The following BBOX1 variants were observed in gnomAD, a reference collection of about 807,000 sequenced individuals.
The protein encoded by BBOX1 is gamma-butyrobetaine dioxygenase.
Under a neutral mutation model 41.6 loss-of-function variants are expected in BBOX1, and 35 were observed. The ratio of observed to expected loss-of-function variants is 0.84; its 90% confidence interval spans 0.64 to 1.11. The LOEUF (loss-of-function observed/expected upper bound fraction) is 1.11. BBOX1 is among the 50% of genes most tolerant of loss of function. The pLI, the probability that BBOX1 is intolerant of heterozygous loss-of-function variation, is 0.00. For synonymous variants in BBOX1, 163 were observed against 154.7 expected (o/e 1.05, Z -0.40); for missense variants, 458 against 460.6 (o/e 0.99, Z 0.05).
chr11:27,074,385 G>A lies in BBOX1; in HGVS notation c.334+17070G>A, dbSNP rs573379913. ...AGCAGAAGTTGGAACAGTCTGGAGGGCTCAGGAGAAGACAGGAAGATGTGG... is the reference window on the plus strand; with the variant it reads ...AGCAGAAGTTGGAACAGTCTGGAGGACTCAGGAGAAGACAGGAAGATGTGG... On this transcript the variant is annotated intron_variant, in intron 4 of 8. Coordinates refer to ENST00000263182, the MANE Select transcript of BBOX1 (RefSeq NM_003986.3). 3.3e-5 allele frequency among the ~76,000 whole-genome samples: 5 copies of A among 152,108 alleles called. No homozygotes were observed. The East Asian group carries it at 9.8e-4, about 30-fold the overall frequency.
intron 6 of BBOX1, 121 bp from the exon 7 acceptor site, chr11:27,119,528 C>A: frequency 1.8e-6 from 1 of 569,720 alleles, no homozygotes; most frequent in Non-Finnish European, 2.5e-6. Context: ...ATCTTTAACA[C>A]AGTATCAAAA....
intron 2 of BBOX1, among the ~76,000 whole-genome samples, chr11:27,052,919 A>C (rs952496215): frequency 6.6e-6 from 1 of 151,862 alleles, no homozygotes; most frequent in African/African-American, 2.4e-5. Context: ...AAAATAGAGA[A>C]AACAGCATAT....
At chr11:27,100,066 A>T (rs1423923724) in intron 5 of BBOX1, among the ~76,000 whole-genome samples, 1 of 152,084 alleles carries the variant, frequency 6.6e-6, no homozygotes. Flanking sequence ...TCCTGTTTGC[A>T]TTTCTGAAAG....
chr11:27,096,895 T>C (rs1858458405), intron 5 of BBOX1, among the ~76,000 whole-genome samples: 1 of 152,046 alleles, frequency 6.6e-6, no homozygotes, highest in Non-Finnish European at 1.5e-5. Context: ...TGGCAATAAC[T>C]TTCAGGACAA....
intron 5 of BBOX1, among the ~76,000 whole-genome samples, chr11:27,108,195 G>T (rs1858933045): frequency 1.3e-5 from 2 of 152,088 alleles, no homozygotes; most frequent in South Asian, 4.1e-4. Context: ...CATCCCTGTA[G>T]AGGCCAGTGA....
At chr11:27,064,922 A>G (rs1596254) in intron 4 of BBOX1, among the ~76,000 whole-genome samples, 150,971 of 151,002 alleles carry the variant, frequency 1, 75,470 homozygotes, top group Middle Eastern at 1. Flanking sequence ...AAAAAACAAC[A>G]AAAAAAACAT....
In BBOX1 at chr11:27,113,486, A is replaced by C. The variant is rs1859151829; in HGVS notation, c.534-1966A>C. Among the ~76,000 whole-genome samples the C allele has an allele frequency of 1.3e-5, 2 of 151,944 alleles. 1 individual carries two copies. The highest frequency in any genetic ancestry group is 4.8e-5 in the African/African-American group (2 of 41,410). The stretch of plus-strand genomic sequence containing the variant: ...TACTATACAGCTATATGAAACAACA[A>C]GATTATGTCCTTTGTAGCACCATGG... On this transcript the variant is annotated intron_variant, in intron 5 of 8. Transcript: ENST00000263182.
At position 27,083,550 on chromosome 11, in the gene BBOX1, T is replaced by G. The variant is rs988675739; in HGVS notation, c.335-9618T>G. On this transcript the variant is annotated intron_variant, in intron 4 of 8. Transcript: ENST00000263182. ...TTTGCATGACAGTCTTCTCTCATCC[T>G]TCAGAATTTGGCATAAATAGCTTCT... Among the ~76,000 whole-genome samples, 3 of 152,206 alleles carry G rather than the reference T, an allele frequency of 2.0e-5. No individual in the cohort carries two copies. The South Asian group carries it at 6.2e-4, about 32-fold the overall frequency.
rs548129375 is a variant in BBOX1, at chr11:27,126,865, A to G, written c.1004-428A>G. On this transcript the variant is annotated intron_variant, in intron 8 of 8. Transcript: ENST00000263182. ...AATTTTTTCTATTTTTAGTAGAGAC[A>G]GGGTTTCACCATGTTAGCCAGGATG... Among the ~76,000 whole-genome samples the G allele has an allele frequency of 1.7e-3, 265 of 151,998 alleles. 1 individual carries two copies. Among genetic ancestry groups the G allele is most frequent in the Non-Finnish European group, 3.3e-3 (225 of 67,964 alleles).
At chr11:27,088,230 C>T (rs952823161) in intron 4 of BBOX1, among the ~76,000 whole-genome samples, 6 of 151,902 alleles carry the variant, frequency 3.9e-5, no homozygotes, top group Admixed American at 1.3e-4. Flanking sequence ...ATAAACTCAA[C>T]GTTTAAAGAA....
chr11:27,104,872 T>C (rs1822333), intron 5 of BBOX1, among the ~76,000 whole-genome samples: 141,668 of 152,160 alleles, frequency 0.93, 66,038 homozygotes, highest in East Asian at 0.98. Flanking sequence ...TCACACAGCC[T>C]GGTACCCCTC....
At chr11:27,117,928 GGAACTTGGACTT>G (rs1441664779) in intron 6 of BBOX1, among the ~76,000 whole-genome samples, 1 of 151,872 alleles carries the variant, frequency 6.6e-6, no homozygotes, top group Non-Finnish European at 1.5e-5. Context: ...TGATTAAGGA[GGAACTTGGACTT>G]GAACCCAGGC....
chr11:27,052,607 C>A (rs1233966369), intron 2 of BBOX1, among the ~76,000 whole-genome samples: 1 of 152,098 alleles, frequency 6.6e-6, no homozygotes, highest in Non-Finnish European at 1.5e-5. Context: ...ATTTTCATAT[C>A]TTTGTTGTTG....
At chr11:27,044,657 G>A (rs1454802584) in intron 2 of BBOX1, among the ~76,000 whole-genome samples, 2 of 152,162 alleles carry the variant, frequency 1.3e-5, no homozygotes, top group Non-Finnish European at 2.9e-5. Context: ...CATATGGCTA[G>A]CCAGTTTTCC....
intron 4 of BBOX1, among the ~76,000 whole-genome samples, chr11:27,086,888 A>G (rs1485221349): frequency 6.6e-6 from 1 of 152,106 alleles, no homozygotes; most frequent in Non-Finnish European, 1.5e-5. Context: ...GCCCTCATGG[A>G]TGGCTTTGAG....
At chr11:27,088,247 T>A (rs1196863394) in intron 4 of BBOX1, among the ~76,000 whole-genome samples, 1 of 152,034 alleles carries the variant, frequency 6.6e-6, no homozygotes, top group Non-Finnish European at 1.5e-5. Context: ...AGAAAATTCA[T>A]CTTGTGAAAA....
At chr11:27,091,938 T>C (rs182568278) in intron 4 of BBOX1, among the ~76,000 whole-genome samples, 3 of 152,114 alleles carry the variant, frequency 2.0e-5, no homozygotes, top group East Asian at 1.9e-4. Context: ...TGACAATATA[T>C]GCATTTATAG....
chr11:27,043,159 G>T (rs2133937638), intron 2 of BBOX1, among the ~76,000 whole-genome samples: 1 of 152,224 alleles, frequency 6.6e-6, no homozygotes, highest in African/African-American at 2.4e-5. Context: ...CGCCTCCCGG[G>T]TTCACGCCAT....
At chr11:27,104,608 C>T (rs762650957) in intron 5 of BBOX1, among the ~76,000 whole-genome samples, 3 of 152,202 alleles carry the variant, frequency 2.0e-5, no homozygotes, top group African/African-American at 7.2e-5. Flanking sequence ...TTCTAGATAT[C>T]GGAAAGGTTA....
Sources: gnomAD v4.1 joint callset for allele counts (sites outside exome capture counted in the v4.1 genomes callset) on GRCh38, gnomAD v4.1.1 for gene constraint, MANE v1.5 for transcripts, NCBI Gene and HGNC (gene_info 2026-07-23, HGNC 2026-07-21) for gene names.